The following SPRED2 variants were observed in gnomAD, a reference collection of about 807,000 sequenced individuals.
SPRED2 encodes sprouty-related, EVH1 domain-containing protein 2.
In SPRED2, 47 loss-of-function variants were observed where a neutral mutation model predicts 43.0. That is an observed-to-expected ratio of 1.09 (90% CI 0.87 to 1.40). The LOEUF is 1.40. Ranked by LOEUF, SPRED2 falls within the 40% of genes most tolerant of loss-of-function variation. The pLI is 0.00. For synonymous variants in SPRED2, 225 were observed against 225.7 expected (o/e 1.00, Z 0.03); for missense variants, 561 against 586.4 (o/e 0.96, Z 0.45).
intron 1 of SPRED2, among the ~76,000 whole-genome samples, chr2:65,420,699 T>C (rs1172119476): frequency 6.6e-6 from 1 of 152,190 alleles, no homozygotes; most frequent in Admixed American, 6.5e-5. Context: ...ATTCATTTCA[T>C]TTAAGTGCAA....
intron 4 of SPRED2, among the ~76,000 whole-genome samples, chr2:65,324,090 A>T (rs766354624): frequency 6.6e-6 from 1 of 151,392 alleles, no homozygotes; most frequent in Non-Finnish European, 1.5e-5. Flanking sequence ...GATGGGTCAT[A>T]GCATTCTAGA....
intron 1 of SPRED2, among the ~76,000 whole-genome samples, chr2:65,431,634 G>A (rs1257558136): frequency 6.6e-6 from 1 of 152,166 alleles, no homozygotes; most frequent in Non-Finnish European, 1.5e-5. Context: ...CAGGTCTTCC[G>A]CTCTAGCCGC....
At chr2:65,377,555 T>C (rs1232129453) in intron 1 of SPRED2, 1 of 471,180 alleles carries the variant, frequency 2.1e-6, no homozygotes, top group Non-Finnish European at 4.4e-6. Context: ...GGGGGAACAC[T>C]GTGGCAAAGC....
intron 1 of SPRED2, among the ~76,000 whole-genome samples, chr2:65,351,192 G>A (rs1461225650): frequency 6.6e-6 from 1 of 152,126 alleles, no homozygotes; most frequent in East Asian, 1.9e-4. Flanking sequence ...TTGACAGTAG[G>A]AGGAAATTTG....
rs139533024 is a variant in SPRED2 at position 65,334,616 on chromosome 2, T to A, written c.362A>T (p.Asp121Val). The A allele has an allele frequency of 5.6e-6, 9 of 1,614,060 alleles. No homozygotes were observed. The highest frequency in any genetic ancestry group is 7.6e-6 in the Non-Finnish European group (9 of 1,180,038). ...GACAAGTTCAATACCTTCTATAAGG[T>A]CTTCGATTGCTTTCCTTACTCCCCT... ...FDRGVRKAIE[D>V]LIEGSTTSSS... is the part of the protein sequence containing the mutation. The change falls in exon 3 of 6, where the codon GAC becomes GTC. Residue 121 changes from aspartate (D) to valine (V), a missense_variant. This residue lies in a region of SPRED2 where 305 missense variants were observed against 282.4 expected (regional missense o/e 1.08). Coordinates refer to ENST00000356388, the MANE Select transcript of SPRED2 (RefSeq NM_181784.3).
intron 4 of SPRED2, among the ~76,000 whole-genome samples, chr2:65,317,513 AAACAACAACAACAACAACAACAAC>A (rs200353741): frequency 6.8e-6 from 1 of 147,252 alleles, no homozygotes; most frequent in Non-Finnish European, 1.5e-5. Context: ...ACTCCATCTC[AAACAACAACAACAACAACAACAAC>A]AACAACAACA....
rs776300984 is a variant in SPRED2, at chr2:65,316,816, GGA to G, written c.504_505del (p.Pro169HisfsTer4). 1.2e-6 allele frequency: 2 copies of G among 1,613,742 alleles called. No homozygotes were observed. The highest frequency in any genetic ancestry group is 2.7e-5 in the African/African-American group (2 of 74,924). On this transcript the variant is annotated frameshift_variant, in exon 5 of 6. Coordinates refer to ENST00000356388, the MANE Select transcript of SPRED2 (RefSeq NM_181784.3). LOFTEE classifies it high-confidence loss of function. ...AATCCTCCGGTGCTCACAGGATGTG[GGA>G]GAGGAGATTGTCCGAGTAGGTTGCT...
intron 1 of SPRED2, among the ~76,000 whole-genome samples, chr2:65,391,684 A>G (rs1299145264): frequency 6.6e-6 from 1 of 152,228 alleles, no homozygotes; most frequent in Non-Finnish European, 1.5e-5. Context: ...TTAAGTTTCT[A>G]GAGGAGAAAT....
At chr2:65,361,774 C>T (rs1040193279) in intron 1 of SPRED2, among the ~76,000 whole-genome samples, 8 of 152,204 alleles carry the variant, frequency 5.3e-5, no homozygotes, top group Admixed American at 4.6e-4. Context: ...TCTCTGGCGA[C>T]GTGATGAGAA....
chr2:65,409,793 TGG>T (rs1204883477), intron 1 of SPRED2, among the ~76,000 whole-genome samples: 3 of 151,832 alleles, frequency 2.0e-5, no homozygotes, highest in Non-Finnish European at 4.4e-5. Context: ...CCTAGCACTT[TGG>T]GAGGCCAAGG....
intron 5 of SPRED2, 37 bp from the exon 6 acceptor site, chr2:65,314,206 C>T (rs201915066): frequency 1.3e-6 from 2 of 1,525,882 alleles, no homozygotes; most frequent in African/African-American, 1.4e-5. Context: ...TTTACAGCAG[C>T]GGCCAAAAAA....
intron 4 of SPRED2, among the ~76,000 whole-genome samples, chr2:65,328,884 T>G (rs1248066906): frequency 6.6e-6 from 1 of 152,204 alleles, no homozygotes; most frequent in African/African-American, 2.4e-5. Flanking sequence ...AAAAAACTCT[T>G]CAAGAAAAGG....
At chr2:65,422,028 G>A (rs1558692880) in intron 1 of SPRED2, among the ~76,000 whole-genome samples, 1 of 149,422 alleles carries the variant, frequency 6.7e-6, no homozygotes, top group Admixed American at 6.7e-5. Context: ...GACACTTGAC[G>A]GTTGGACATA....
intron 2 of SPRED2, chr2:65,344,513 C>T (rs1268426157): frequency 2.0e-5 from 14 of 713,568 alleles, no homozygotes; most frequent in South Asian, 3.0e-5. Context: ...TCGGATAAAG[C>T]GTGTGGTCAA....
intron 1 of SPRED2, among the ~76,000 whole-genome samples, chr2:65,395,296 T>A (rs1197251570): frequency 6.6e-6 from 1 of 152,228 alleles, no homozygotes; most frequent in Non-Finnish European, 1.5e-5. Flanking sequence ...CAGCCCCAGC[T>A]GAATGGGCAG....
At chr2:65,347,283 A>G (rs915660849) in intron 1 of SPRED2, among the ~76,000 whole-genome samples, 11 of 151,788 alleles carry the variant, frequency 7.2e-5, no homozygotes, top group Non-Finnish European at 1.5e-4. Flanking sequence ...CCTACCATCT[A>G]CCTACTCTGT....
chr2:65,417,189 A>G lies in SPRED2; in HGVS notation c.26+14773T>C, dbSNP rs149201009. On this transcript the variant is annotated intron_variant, in intron 1 of 5. Transcript: ENST00000356388. ...CACCACCTTGGCAGTTAACATCAAA[A>G]GCAAACACATGGGGAGAACAGAAGG... is the stretch of plus-strand genomic sequence containing the variant. Among the ~76,000 whole-genome samples, 7 of 152,304 alleles carry G rather than the reference A, an allele frequency of 4.6e-5. No individual in the cohort carries two copies. In the East Asian group the frequency reaches 9.6e-4, roughly 21 times the overall value.
chr2:65,324,422 C>T (rs777538829), intron 4 of SPRED2, among the ~76,000 whole-genome samples: 1 of 152,136 alleles, frequency 6.6e-6, no homozygotes, highest in Non-Finnish European at 1.5e-5. Flanking sequence ...TCCCCAAGGT[C>T]AATGCTGTCT....
intron 1 of SPRED2, among the ~76,000 whole-genome samples, chr2:65,409,715 A>C (rs1184830288): frequency 2.1e-5 from 3 of 139,922 alleles, no homozygotes; most frequent in Non-Finnish European, 4.7e-5. Context: ...AAAAAAAAAG[A>C]ATTTTGTGTT....
Sources: allele counts gnomAD v4.1 joint callset (sites outside exome capture counted in the v4.1 genomes callset), GRCh38; gene constraint gnomAD v4.1.1; regional missense constraint gnomAD v4.1.1; transcripts MANE v1.5; gene names NCBI Gene and HGNC (gene_info 2026-07-23, HGNC 2026-07-21).